The following AFF1 variants were observed in gnomAD, a reference collection of about 807,000 sequenced individuals.
The protein encoded by AFF1 is ALF transcription elongation factor 1.
In AFF1, 48 loss-of-function variants were observed where a neutral mutation model predicts 121.7. The observed-to-expected ratio is 0.39, with a 90% CI of 0.31 to 0.50. AFF1 has a LOEUF of 0.50. Among genes scored for constraint, AFF1 ranks in the 20% least tolerant of loss-of-function variants. AFF1 has a pLI of 0.76. For synonymous variants in AFF1, 613 were observed against 563.0 expected, an observed-to-expected ratio of 1.09 and a Z score of -1.26; for missense variants, 1,523 against 1,511.7, an observed-to-expected ratio of 1.01 and a Z score of -0.12.
intron 2 of AFF1, among the ~76,000 whole-genome samples, chr4:87,007,792 T>C (rs1375232170): frequency 1.3e-5 from 2 of 152,204 alleles, no homozygotes; most frequent in Admixed American, 6.5e-5. Context: ...TTTCTTGCTG[T>C]TGTCTCGAGG....
intron 5 of AFF1, among the ~76,000 whole-genome samples, chr4:87,086,004 G>A (rs1723696546): frequency 6.6e-6 from 1 of 152,266 alleles, no homozygotes; most frequent in African/African-American, 2.4e-5. Flanking sequence ...CCCTCAAAGT[G>A]TTGGGATTAC....
Position 87,137,410 on chromosome 4 carries a change from C to A in AFF1, c.*1709C>A. ...AAAGGGATGTGTCGAGGGATGGGAGCGATGCTTATCTCTCACAGTGTGAGT... is the reference window on the plus strand; with the variant it reads ...AAAGGGATGTGTCGAGGGATGGGAGAGATGCTTATCTCTCACAGTGTGAGT... On this transcript the variant is annotated 3_prime_UTR_variant, in exon 21 of 21. Transcript: ENST00000395146. The A allele has an allele frequency of 4.3e-6, 1 of 230,360 alleles. No individual in the cohort carries two copies. The highest frequency in any genetic ancestry group is 5.7e-5 in the Admixed American group (1 of 17,674). 14.3% of individuals were successfully genotyped at this position (230,360 alleles called of 1,614,324 possible).
Position 87,108,279 on chromosome 4 carries a change from C to T in AFF1, c.1497C>T (p.Ser499=), listed in dbSNP as rs569902738. The change falls in exon 11 of 21, where the codon AGC becomes AGT. Residue 499 remains serine (S), a synonymous_variant. Coordinates refer to ENST00000395146, the MANE Select transcript of AFF1 (RefSeq NM_001166693.3). ...DSESESSSSD[S]EENEPLETPA... ...AGAGCGAGAGCAGTTCAAGTGACAG[C>T]GAAGAAAATGAGCCCCTAGAAACCC... The T allele has an allele frequency of 4.8e-5, 77 of 1,613,728 alleles. No individual in the cohort carries two copies. The highest frequency in any genetic ancestry group is 2.0e-4 in the African/African-American group (15 of 74,890).
At chr4:87,125,164 C>T (rs751667038) in intron 13 of AFF1, 21 bp downstream of exon 13, 1 of 1,569,884 alleles carries the variant, frequency 6.4e-7, no homozygotes, top group South Asian at 1.1e-5. Flanking sequence ...AGATTAGCAA[C>T]CACCTAATCT....
chr4:86,951,054 G>A (rs751812474), intron 2 of AFF1, among the ~76,000 whole-genome samples: 2 of 152,130 alleles, frequency 1.3e-5, no homozygotes, highest in African/African-American at 4.8e-5. Context: ...AGCCTGTCAC[G>A]GAATTCTGAA....
chr4:87,031,797 A>G (rs1729113873), intron 2 of AFF1, among the ~76,000 whole-genome samples: 1 of 152,202 alleles, frequency 6.6e-6, no homozygotes, highest in African/African-American at 2.4e-5. Flanking sequence ...TCTGCTTTTC[A>G]GAGAGTAGAA....
intron 2 of AFF1, among the ~76,000 whole-genome samples, chr4:86,998,315 G>A (rs527392843): frequency 1.3e-5 from 2 of 152,280 alleles, no homozygotes; most frequent in Admixed American, 6.5e-5. Context: ...CTCGCTAGAA[G>A]AAAGAGCATT....
At chr4:87,110,150 CTT>C (rs1293964415) in intron 11 of AFF1, among the ~76,000 whole-genome samples, 4 of 148,946 alleles carry the variant, frequency 2.7e-5, no homozygotes, top group Non-Finnish European at 6.0e-5. Context: ...AATTTTCACT[CTT>C]AACTTTCTCA....
Position 87,064,925 on chromosome 4 carries a change from GCTGCT to G in AFF1, c.1059+17333_1059+17337del, listed in dbSNP as rs1482537974. Among the ~76,000 whole-genome samples the G allele has an allele frequency of 6.0e-5, 9 of 150,742 alleles. No homozygotes were observed. The East Asian group carries it at 1.6e-3, about 26-fold the overall frequency. On this transcript the variant is annotated intron_variant, in intron 4 of 20. Coordinates refer to ENST00000395146, the MANE Select transcript of AFF1 (RefSeq NM_001166693.3). Reference sequence around the variant, plus strand: ...GTTGTGGCATGCACCTGCGGTCCCAGCTGCTCAGGAGGCTGAGGTAGGAGGATCAC... The same window carrying G: ...GTTGTGGCATGCACCTGCGGTCCCAGCAGGAGGCTGAGGTAGGAGGATCAC...
chr4:87,047,909 C>A, intron 4 of AFF1: 1 of 343,004 alleles, frequency 2.9e-6, no homozygotes, highest in South Asian at 3.1e-5. Flanking sequence ...CCTATAGGAT[C>A]CAAAACCCAA....
chr4:87,095,974 T>C (rs1724795965), intron 8 of AFF1, among the ~76,000 whole-genome samples: 1 of 152,128 alleles, frequency 6.6e-6, no homozygotes, highest in African/African-American at 2.4e-5. Context: ...TTGTTCCATG[T>C]ATTTTGGAAG....
At chr4:87,114,318 T>A (rs760673090) in intron 11 of AFF1, 49 bp from the exon 12 acceptor site, 18 of 1,488,732 alleles carry the variant, frequency 1.2e-5, no homozygotes, top group Middle Eastern at 3.6e-4. Context: ...AAAAGAATAA[T>A]TTGTCATCAA....
At chr4:87,033,039 A>C (rs949378487) in intron 2 of AFF1, among the ~76,000 whole-genome samples, 5 of 152,140 alleles carry the variant, frequency 3.3e-5, no homozygotes, top group African/African-American at 1.2e-4. Context: ...AGTCCCAGCT[A>C]CTCAGGAGGC....
intron 4 of AFF1, among the ~76,000 whole-genome samples, chr4:87,062,533 G>C (rs1720889426): frequency 6.6e-6 from 1 of 151,958 alleles, no homozygotes; most frequent in Non-Finnish European, 1.5e-5. Flanking sequence ...TAAAATATAT[G>C]TTTTTTTTCC....
intron 2 of AFF1, among the ~76,000 whole-genome samples, chr4:87,019,785 GC>G (rs1727699807): frequency 6.6e-6 from 1 of 151,102 alleles, no homozygotes; most frequent in Non-Finnish European, 1.5e-5. Context: ...AGTTCTGTGA[GC>G]CACTCCAGCA....
chr4:86,951,615 CTTTTTTTCTTTTTT>C (rs1276559846), intron 2 of AFF1, among the ~76,000 whole-genome samples: 1 of 124,944 alleles, frequency 8.0e-6, no homozygotes, highest in South Asian at 2.3e-4. Flanking sequence ...TTTCTTTTTT[CTTTTTTTCTTTTTT>C]TTTTTTTTTT....
At position 87,138,028 on chromosome 4, in the gene AFF1, G is replaced by GTT. The variant is rs34387408; in HGVS notation, c.*2339_*2340dup. On this transcript the variant is annotated 3_prime_UTR_variant, in exon 21 of 21. Transcript: ENST00000395146. ...TTTTCAGTGGCCTTACTCTTTGTGG[G>GTT]TTTTTTTTTTTTTCTCTGAACTTGA... The GTT allele has an allele frequency of 0.014, 2,930 of 210,500 alleles. 11 individuals are homozygous for GTT. The highest frequency in any genetic ancestry group is 0.035 in the Middle Eastern group (24 of 690). The allele number at this position is 210,500 out of a possible 1,614,324, so 13.0% of individuals were successfully genotyped here.
At chr4:87,061,059 T>G (rs1434849753) in intron 4 of AFF1, among the ~76,000 whole-genome samples, 1 of 152,180 alleles carries the variant, frequency 6.6e-6, no homozygotes, top group Middle Eastern at 3.2e-3. Context: ...AACACTGGTC[T>G]GTTGTTCTGA....
Position 87,114,368 on chromosome 4 carries a change from C to T in AFF1, c.1535C>T (p.Pro512Leu). The T allele has an allele frequency of 6.3e-7, 1 of 1,586,038 alleles. No individual in the cohort carries two copies. The highest frequency in any genetic ancestry group is 8.5e-7 in the Non-Finnish European group (1 of 1,172,696). ...NEPLETPAPEPEPPTTNKWQL... is the reference protein window; with the variant it reads ...NEPLETPAPELEPPTTNKWQL... ...TTTTCTTTCTTTCCTTATTTTTAGC[C>T]TGAGCCTCCAACAACAAACAAATGG... The change falls in exon 12 of 21, where the codon CCT (proline) becomes CTT (leucine). Residue 512 changes from proline to leucine, a missense_variant and splice_region_variant. Pro to Leu is a moderately conservative substitution (Grantham distance 98, BLOSUM62 -3). Around this residue, in one of 5 missense-constraint regions of AFF1, gnomAD observed 905 missense variants for 842.5 expected, o/e 1.07. Coordinates refer to ENST00000395146, the MANE Select transcript of AFF1 (RefSeq NM_001166693.3).
Sources: allele counts gnomAD v4.1 joint callset (sites outside exome capture counted in the v4.1 genomes callset), GRCh38; gene constraint gnomAD v4.1.1; regional missense constraint gnomAD v4.1.1; transcripts MANE v1.5; gene names NCBI Gene and HGNC (gene_info 2026-07-23, HGNC 2026-07-21).